Variants in TLK1 observed in about 807,000 individuals in gnomAD.
The protein encoded by TLK1 is tousled like kinase 1.
TLK1 carries 24 observed loss-of-function variants against 105.3 expected under a neutral mutation model. The ratio of observed to expected loss-of-function variants is 0.23; its 90% CI spans 0.17 to 0.32. The LOEUF (loss-of-function observed/expected upper bound fraction) is 0.32. Ranked by LOEUF, TLK1 falls within the 10% of genes least tolerant of loss-of-function variation. TLK1 has a pLI of 1.00. For missense variants in TLK1, 558 were observed against 910.5 expected, an observed-to-expected ratio of 0.61 and a Z score of 4.98; for synonymous variants, 321 against 310.4, an observed-to-expected ratio of 1.03 and a Z score of -0.36.
At chr2:171,134,216 A>C (rs1328142004) in intron 1 of TLK1, among the ~76,000 whole-genome samples, 1 of 152,182 alleles carries the variant, frequency 6.6e-6, no homozygotes, top group Non-Finnish European at 1.5e-5. Flanking sequence ...CATTATATAT[A>C]TATTTCATCC....
At chr2:171,025,152 G>A (rs1038739243) in intron 12 of TLK1, among the ~76,000 whole-genome samples, 42 of 152,076 alleles carry the variant, frequency 2.8e-4, no homozygotes, top group African/African-American at 9.7e-4. Flanking sequence ...ATAGAGTAAG[G>A]CTATCTTTGG....
chr2:171,043,333 G>A (rs1245965841), intron 11 of TLK1, among the ~76,000 whole-genome samples: 1 of 152,180 alleles, frequency 6.6e-6, no homozygotes, highest in African/African-American at 2.4e-5. Context: ...CAATGGGTGA[G>A]AGTCTGAATG....
intron 1 of TLK1, among the ~76,000 whole-genome samples, chr2:171,143,449 T>C (rs1197378104): frequency 7.4e-6 from 1 of 135,848 alleles, no homozygotes; most frequent in African/African-American, 2.7e-5. Context: ...GAGGTTGCAG[T>C]GAGCCAAGAT....
chr2:171,053,731 T>A, intron 8 of TLK1, 30 bp downstream of exon 8: 3 of 1,493,092 alleles, frequency 2.0e-6, no homozygotes, highest in Non-Finnish European at 2.7e-6. Flanking sequence ...ATTTATTCAA[T>A]TTTTTTCCCC....
intron 6 of TLK1, 137 bp downstream of exon 6, chr2:171,056,334 C>T: frequency 1.7e-6 from 1 of 575,524 alleles, no homozygotes; most frequent in Non-Finnish European, 2.9e-6. Context: ...ATTCATGTCA[C>T]AGAAATAATG....
intron 1 of TLK1, among the ~76,000 whole-genome samples, chr2:171,215,726 A>C (rs1411868767): frequency 1.3e-5 from 2 of 152,240 alleles, no homozygotes; most frequent in African/African-American, 2.4e-5. Context: ...TTGACTTTAT[A>C]GTCTGTCAGA....
chr2:171,132,895 C>A (rs994534382), intron 1 of TLK1, among the ~76,000 whole-genome samples: 4 of 152,124 alleles, frequency 2.6e-5, no homozygotes, highest in African/African-American at 9.7e-5. Context: ...AAATCTAAAT[C>A]TCAACTCCAC....
intron 18 of TLK1, among the ~76,000 whole-genome samples, chr2:171,002,047 G>A (rs1336167309): frequency 6.6e-6 from 1 of 152,142 alleles, no homozygotes; most frequent in East Asian, 1.9e-4. Flanking sequence ...AAAGTGCTGA[G>A]ATTACAGGCA....
rs1450605031 is a variant in TLK1, at chr2:171,160,217, C to CGGGGGGGGCGG, written c.139+72_139+73insCCGCCCCCCCC. The stretch of plus-strand genomic sequence containing the variant: ...CGGAGAAGCCCCGGGGCGGGGGGGG[C>CGGGGGGGGCGG]GGGGGGGGGGCGCGGGGGTCCGCGG... On this transcript the variant is annotated intron_variant, in intron 1 of 20. Transcript: ENST00000431350. The surrounding 1 kb of genome is among the most constrained non-coding windows in gnomAD (Gnocchi z 4.4). 36 of 958,824 alleles carry CGGGGGGGGCGG rather than the reference C, an allele frequency of 3.8e-5. No individual in the cohort carries two copies. In the African/African-American group the frequency reaches 5.5e-4, roughly 15 times the overall value. The allele number at this position is 958,824 out of a possible 1,614,324, so 59.4% of individuals were successfully genotyped here. A position where few individuals can be genotyped will look rare whatever the true frequency, so the allele number is the denominator to read the frequency against.
chr2:171,003,236 T>C (rs1642529964), intron 18 of TLK1, among the ~76,000 whole-genome samples: 3 of 120,748 alleles, frequency 2.5e-5, no homozygotes, highest in Admixed American at 1.1e-4. Context: ...ATCGCACCAC[T>C]GCACTCCAGC....
chr2:171,230,086 A>C (rs1162067661), intron 1 of TLK1, among the ~76,000 whole-genome samples: 1 of 152,222 alleles, frequency 6.6e-6, no homozygotes, highest in Non-Finnish European at 1.5e-5. Flanking sequence ...TGAAAAGCTA[A>C]TACTTATTTC....
chr2:171,092,564 T>C (rs1006026820), intron 2 of TLK1, among the ~76,000 whole-genome samples: 62 of 152,200 alleles, frequency 4.1e-4, no homozygotes, highest in African/African-American at 1.3e-3. Flanking sequence ...ACTGTGCCAA[T>C]AGATTTAATT....
intron 3 of TLK1, among the ~76,000 whole-genome samples, chr2:171,062,203 G>A (rs1012189219): frequency 3.9e-5 from 6 of 152,200 alleles, no homozygotes; most frequent in South Asian, 2.1e-4. Context: ...TTCTAGAAAC[G>A]TGGTAAGCAC....
intron 2 of TLK1, among the ~76,000 whole-genome samples, chr2:171,095,146 A>T (rs1318724311): frequency 6.6e-6 from 1 of 152,194 alleles, no homozygotes; most frequent in Non-Finnish European, 1.5e-5. Flanking sequence ...TTACAGGGAA[A>T]ACTGTAACTG....
intron 1 of TLK1, among the ~76,000 whole-genome samples, chr2:171,174,728 T>C (rs892495456): frequency 6.1e-4 from 93 of 152,332 alleles, no homozygotes; most frequent in African/African-American, 2.2e-3. Context: ...TGAAAGCTAG[T>C]CAATGACTAA....
intron 18 of TLK1, among the ~76,000 whole-genome samples, chr2:170,998,098 CT>C (rs1684165772): frequency 2.0e-5 from 3 of 147,446 alleles, no homozygotes; most frequent in African/African-American, 7.6e-5. Flanking sequence ...ATCTACCTAC[CT>C]ACCTACCTAC....
chr2:171,164,063 A>G (rs1024043375), upstream of TLK1, among the ~76,000 whole-genome samples: 4 of 152,138 alleles, frequency 2.6e-5, no homozygotes, highest in African/African-American at 4.8e-5. Context: ...GGCTATGTTT[A>G]TTTTTAATGA....
intron 3 of TLK1, among the ~76,000 whole-genome samples, chr2:171,073,877 C>A (rs1038161454): frequency 3.2e-5 from 3 of 92,650 alleles, no homozygotes; most frequent in Non-Finnish European, 7.5e-5. Context: ...AACATTCCCC[C>A]CCCCCCTCCT....
intron 2 of TLK1, among the ~76,000 whole-genome samples, chr2:171,111,825 T>C (rs146726463): frequency 6.6e-6 from 1 of 152,352 alleles, no homozygotes; most frequent in East Asian, 1.9e-4. Context: ...TACATGAGTG[T>C]ATATACATTT....
Sources: gnomAD v4.1 joint callset for allele counts (sites outside exome capture counted in the v4.1 genomes callset) on GRCh38, gnomAD v4.1.1 for gene constraint, Gnocchi (gnomAD v3.1) non-coding constraint, MANE v1.5 for transcripts, NCBI Gene and HGNC (gene_info 2026-07-23, HGNC 2026-07-21) for gene names.